Variants in LPP observed in about 807,000 individuals in gnomAD.
The protein encoded by LPP is lipoma-preferred partner.
A neutral mutation model predicts 60.4 loss-of-function variants in LPP; 38 were observed. The ratio of observed to expected loss-of-function variants is 0.63; its 90% CI spans 0.49 to 0.83. The LOEUF (loss-of-function observed/expected upper bound fraction) is 0.83. Ranked by LOEUF, LPP falls within the 40% of genes least tolerant of loss-of-function variation. LPP has a pLI of 0.00. For synonymous variants in LPP, 328 were observed against 290.8 expected, an observed-to-expected ratio of 1.13 and a Z score of -1.30; for missense variants, 902 against 783.6, an observed-to-expected ratio of 1.15 and a Z score of -1.80.
intron 1 of LPP, among the ~76,000 whole-genome samples, chr3:188,195,853 A>G (rs776374657): frequency 6.6e-6 from 1 of 152,234 alleles, no homozygotes; most frequent in Non-Finnish European, 1.5e-5. Context: ...CCTTTTGGAC[A>G]GCACTATTCT....
intron 2 of LPP, among the ~76,000 whole-genome samples, chr3:188,329,008 T>G (rs1037238460): frequency 6.6e-6 from 1 of 152,140 alleles, no homozygotes; most frequent in African/African-American, 2.4e-5. Flanking sequence ...ACTGCAACAG[T>G]TTTTTTACCC....
chr3:188,708,419 T>G, intron 8 of LPP, 26 bp downstream of exon 8: 1 of 1,614,192 alleles, frequency 6.2e-7, no homozygotes, highest in Non-Finnish European at 8.5e-7. Flanking sequence ...AGCTGACTTC[T>G]GAAGTAACTA....
At chr3:188,282,036 A>G (rs1029103181) in intron 2 of LPP, among the ~76,000 whole-genome samples, 2 of 151,044 alleles carry the variant, frequency 1.3e-5, no homozygotes, top group Non-Finnish European at 3.0e-5. Context: ...GTGTCTTTCT[A>G]CCTTGTCCTT....
chr3:188,578,933 C>T (rs763039213), intron 6 of LPP, among the ~76,000 whole-genome samples: 4 of 152,132 alleles, frequency 2.6e-5, no homozygotes, highest in Admixed American at 2.6e-4. Flanking sequence ...ATGGTCATTC[C>T]TAATCCTGTC....
chr3:188,869,426 G>T (rs1443348379), intron 10 of LPP, among the ~76,000 whole-genome samples: 1 of 152,122 alleles, frequency 6.6e-6, no homozygotes. Context: ...AAGTAGCTTG[G>T]ATTACGGGCA....
At chr3:188,431,361 G>T (rs1456264894) in intron 4 of LPP, among the ~76,000 whole-genome samples, 2 of 152,012 alleles carry the variant, frequency 1.3e-5, no homozygotes, top group Non-Finnish European at 2.9e-5. Context: ...TTGAAAGCTG[G>T]GCACCATGGA....
chr3:188,701,236 CATA>C (rs1272060731), intron 7 of LPP, among the ~76,000 whole-genome samples: 2 of 152,096 alleles, frequency 1.3e-5, no homozygotes, highest in East Asian at 3.8e-4. Context: ...TAGTCCCACC[CATA>C]ATGTTTACCA....
At chr3:188,617,582 T>C (rs1845097370) in intron 7 of LPP, among the ~76,000 whole-genome samples, 2 of 152,192 alleles carry the variant, frequency 1.3e-5, no homozygotes, top group South Asian at 4.1e-4. Flanking sequence ...CTGTGTAATT[T>C]TGACTCAGTC....
chr3:188,425,632 TA>T (rs1789093493), intron 4 of LPP, among the ~76,000 whole-genome samples: 2 of 152,192 alleles, frequency 1.3e-5, no homozygotes, highest in Admixed American at 6.5e-5. Context: ...CAGAACTTGT[TA>T]TTGGTCTATT....
intron 4 of LPP, among the ~76,000 whole-genome samples, chr3:188,470,752 AG>A (rs1801649689): frequency 1.3e-5 from 2 of 152,150 alleles, no homozygotes; most frequent in African/African-American, 4.8e-5. Flanking sequence ...ACGGAGACAG[AG>A]GTGTGAGCAA....
At chr3:188,830,538 G>A (rs1340168314) in intron 9 of LPP, among the ~76,000 whole-genome samples, 2 of 151,956 alleles carry the variant, frequency 1.3e-5, no homozygotes, top group East Asian at 3.9e-4. Context: ...CTGGGAGGCA[G>A]AGGTTGCAGT....
chr3:188,886,479 C>T lies in LPP; in HGVS notation c.*12000C>T. On this transcript the variant is annotated 3_prime_UTR_variant, in exon 12 of 12. Coordinates refer to ENST00000617246, the MANE Select transcript of LPP (RefSeq NM_001375462.1). ...GCACTTCTCAGAATTATCTAGTATG[C>T]CTGAGTAGAGACTCACATGGGTGGA... 1 of 184,416 alleles carries T rather than the reference C, an allele frequency of 5.4e-6. No individual in the cohort carries two copies. 11.4% of individuals were successfully genotyped at this position (184,416 alleles called of 1,614,324 possible).
Position 188,484,605 on chromosome 3 carries a change from AC to A in LPP, c.212del (p.Pro71HisfsTer5). ...TCTTTTCTGTAGGTGATTTTCTTCC[AC>A]CCCCACCTCCACCTCTAGATGATTC... is the stretch of plus-strand genomic sequence containing the variant. ...QPGGEGDFLP[P>X]PPPPLDDSSA... is the part of the protein sequence containing the mutation. On this transcript the variant is annotated frameshift_variant, in exon 5 of 12. Transcript: ENST00000617246. LOFTEE classifies it high-confidence loss of function. 6.2e-7 allele frequency: 1 copy of A among 1,612,660 alleles called. No homozygotes were observed.
At chr3:188,754,476 G>C (rs1490659709) in intron 8 of LPP, among the ~76,000 whole-genome samples, 3 of 152,100 alleles carry the variant, frequency 2.0e-5, no homozygotes, top group African/African-American at 7.2e-5. Flanking sequence ...GACGAAACCT[G>C]TTTGGGCGAT....
rs116139175 is a variant in LPP at position 188,347,994 on chromosome 3, G to A, written c.-10+6275G>A. ...ATCTACTTTTATTTCCTACCTTTCC[G>A]TTGGCATATACTCACACTGATAGGC... On this transcript the variant is annotated intron_variant, in intron 3 of 11. Coordinates refer to ENST00000617246, the MANE Select transcript of LPP (RefSeq NM_001375462.1). Among the ~76,000 whole-genome samples, 956 of 152,170 alleles carry A rather than the reference G, an allele frequency of 6.3e-3. 9 individuals are homozygous for A. Among genetic ancestry groups the A allele is most frequent in the African/African-American group, 0.021 (863 of 41,508 alleles).
intron 5 of LPP, among the ~76,000 whole-genome samples, chr3:188,502,426 A>C (rs926173579): frequency 6.6e-6 from 1 of 151,772 alleles, no homozygotes; most frequent in Non-Finnish European, 1.5e-5. Context: ...ATATTTTGCT[A>C]GTCTGCTTTT....
intron 3 of LPP, among the ~76,000 whole-genome samples, chr3:188,377,502 T>C (rs548080554): frequency 6.6e-6 from 1 of 152,356 alleles, no homozygotes; most frequent in Non-Finnish European, 1.5e-5. Flanking sequence ...TCGCATCGGC[T>C]ACTGAGGCTT....
chr3:188,778,210 T>C (rs1453941460), intron 9 of LPP, among the ~76,000 whole-genome samples: 1 of 152,164 alleles, frequency 6.6e-6, no homozygotes, highest in Non-Finnish European at 1.5e-5. Flanking sequence ...ATGGAGAAAT[T>C]TTTTTCTCAT....
At chr3:188,504,667 A>G (rs557395016) in intron 5 of LPP, among the ~76,000 whole-genome samples, 1 of 152,106 alleles carries the variant, frequency 6.6e-6, no homozygotes, top group East Asian at 1.9e-4. Context: ...TTGTGGTCTT[A>G]AGTATTTTCT....
Sources: allele counts gnomAD v4.1 joint callset (sites outside exome capture counted in the v4.1 genomes callset), GRCh38; gene constraint gnomAD v4.1.1; transcripts MANE v1.5; gene names NCBI Gene and HGNC (gene_info 2026-07-23, HGNC 2026-07-21).